Variants in ITFG2 observed in about 807,000 individuals in gnomAD.
ITFG2 encodes the protein integrin alpha FG-GAP repeat containing 2.
In ITFG2, 36 loss-of-function variants were observed where a neutral mutation model predicts 54.4. The observed-to-expected ratio is 0.66, with a 90% CI of 0.51 to 0.87. The LOEUF (loss-of-function observed/expected upper bound fraction) is 0.87, where lower values mean the gene tolerates loss of function less well. ITFG2 is among the 40% of genes least tolerant of loss of function. The probability of loss-of-function intolerance (pLI) is 0.00; values close to 1 mark genes in which losing one functional copy is unlikely to be tolerated. For missense variants in ITFG2, 524 were observed against 576.7 expected, an observed-to-expected ratio of 0.91 and a Z score of 0.94; for synonymous variants, 211 against 225.4, an observed-to-expected ratio of 0.94 and a Z score of 0.57.
downstream of ITFG2, chr12:2,827,083 A>G (rs2153925572): frequency 6.5e-7 from 1 of 1,528,246 alleles, no homozygotes; most frequent in Non-Finnish European, 8.7e-7. This position sits in a 1 kb window ranked among gnomAD's most constrained non-coding sequence, Gnocchi z 4.0. Context: ...AGCAGGGGTC[A>G]GGGAGGTGAT....
chr12:2,828,372 G>A, downstream of ITFG2: 1 of 1,614,098 alleles, frequency 6.2e-7, no homozygotes, highest in East Asian at 2.2e-5. Context: ...CGATTGTATT[G>A]GGTGCCTGTG....
upstream of ITFG2, among the ~76,000 whole-genome samples, chr12:2,833,786 T>TAAATATATTAGCTCTAACA (rs1206949035): frequency 6.6e-6 from 1 of 152,206 alleles, no homozygotes; most frequent in Non-Finnish European, 1.5e-5. Context: ...CTAAGTGCTT[T>TAAATATATTAGCTCTAACA]AAATATATTA....
upstream of ITFG2, chr12:2,835,156 CGTAT>C: frequency 7.7e-7 from 1 of 1,299,406 alleles, no homozygotes; most frequent in Non-Finnish European, 9.6e-7. Context: ...GTGGATGGGG[CGTAT>C]GTGTGTGTGT....
At chr12:2,844,978 A>G (rs948699482) in intron 2 of ITFG2, among the ~76,000 whole-genome samples, 2 of 152,188 alleles carry the variant, frequency 1.3e-5, no homozygotes, top group African/African-American at 4.8e-5. Context: ...CTGCCCTGGG[A>G]CTGGCAGGGA....
intron 2 of ITFG2, among the ~76,000 whole-genome samples, chr12:2,847,873 G>C (rs1314327161): frequency 6.6e-6 from 1 of 152,168 alleles, no homozygotes; most frequent in African/African-American, 2.4e-5. Context: ...CCACACTGTA[G>C]CATCTATCAA....
downstream of ITFG2, chr12:2,830,953 C>T: frequency 2.2e-6 from 3 of 1,362,996 alleles, no homozygotes; most frequent in Non-Finnish European, 3.0e-6. Context: ...AGGATGCTCC[C>T]CCCACCCCCC....
At chr12:2,834,951 C>T (rs148606308), upstream of ITFG2, 147 of 1,591,778 alleles carry the variant, frequency 9.2e-5, no homozygotes, top group Admixed American at 1.3e-4. Flanking sequence ...AGGAGGGTCT[C>T]CACGGGAGGG....
In ITFG2 at chr12:2,820,121, A is replaced by G; in HGVS notation, c.442A>G (p.Thr148Ala). Residue 148 changes from threonine (T) to alanine (A), a missense_variant, in exon 5 of 12, where the codon ACA becomes GCA. By Grantham distance (58) the Thr-to-Ala change is moderately conservative. Coordinates refer to ENST00000228799, the MANE Select transcript of ITFG2 (RefSeq NM_018463.4). Reference sequence around the variant, plus strand: ...GTGTCGTGAGCTGGTGGTGGGCTACACAGACCGTGTGGTGCGAGCTTTCCG... The same window carrying G: ...GTGTCGTGAGCTGGTGGTGGGCTACGCAGACCGTGTGGTGCGAGCTTTCCG... ...DGCRELVVGYTDRVVRAFRWE... is the reference protein window; with the variant it reads ...DGCRELVVGYADRVVRAFRWE... The G allele has an allele frequency of 6.2e-7, 1 of 1,613,742 alleles. No individual in the cohort carries two copies. Among genetic ancestry groups the G allele is most frequent in the East Asian group, 2.2e-5 (1 of 44,858 alleles).
chr12:2,812,887 T>C (rs1421012852), intron 1 of ITFG2, 31 bp downstream of exon 1: 2 of 1,576,908 alleles, frequency 1.3e-6, no homozygotes, highest in African/African-American at 1.3e-5. Flanking sequence ...AGAGACAGCC[T>C]GGATCTGTGC....
chr12:2,818,337 T>C lies in ITFG2; in HGVS notation c.406+60T>C, dbSNP rs758777040. 4 of 1,598,940 alleles carry C rather than the reference T, an allele frequency of 2.5e-6. No individual in the cohort carries two copies. The South Asian group carries it at 4.4e-5, about 18-fold the overall frequency. The stretch of plus-strand genomic sequence containing the variant: ...GTAGGAGTCAGTGGATACTAGAGCA[T>C]ATCCCAAGGGATTGGGGTGAGAGGG... On this transcript the variant is annotated intron_variant, in intron 4 of 11. Coordinates refer to ENST00000228799, the MANE Select transcript of ITFG2 (RefSeq NM_018463.4).
At chr12:2,831,596 C>T (rs1158374374), downstream of ITFG2, among the ~76,000 whole-genome samples, 1 of 151,552 alleles carries the variant, frequency 6.6e-6, no homozygotes, top group East Asian at 1.9e-4. Flanking sequence ...AAAAAAAAAC[C>T]AAACAAAAAA....
At chr12:2,827,195 CT>C, downstream of ITFG2, 1 of 1,614,094 alleles carries the variant, frequency 6.2e-7, no homozygotes, top group Non-Finnish European at 8.5e-7. The surrounding 1 kb of genome is among the most constrained non-coding windows in gnomAD (Gnocchi z 4.0). Flanking sequence ...TGGGGACTGA[CT>C]GAGACAGCAG....
chr12:2,849,516 G>A (rs1394940012), intron 2 of ITFG2: 1 of 1,536,132 alleles, frequency 6.5e-7, no homozygotes, highest in Non-Finnish European at 8.7e-7. Context: ...CAGCGGATAT[G>A]TGCCGGTACC....
Position 2,822,915 on chromosome 12 carries a change from A to AC in ITFG2, c.1066+9dup, listed in dbSNP as rs770695012. 6.4e-5 allele frequency: 103 copies of AC among 1,610,858 alleles called. No homozygotes were observed. The highest frequency in any genetic ancestry group is 8.7e-5 in the Non-Finnish European group (102 of 1,177,420). ...AATATCCGTGCCTTCTGTGCAGGTG[A>AC]CCCCCGCCCCCATGGCCCCTTTCTA... On this transcript the variant is annotated splice_donor_region_variant and intron_variant, in intron 10 of 11. Transcript: ENST00000228799.
chr12:2,850,936 T>A (rs1303152755), intron 2 of ITFG2, among the ~76,000 whole-genome samples: 1 of 151,056 alleles, frequency 6.6e-6, no homozygotes, highest in East Asian at 2.0e-4. Flanking sequence ...CCTCCCAAAG[T>A]GCTGAGATTA....
intron 2 of ITFG2, among the ~76,000 whole-genome samples, chr12:2,842,615 C>G (rs1378209165): frequency 6.6e-6 from 1 of 152,026 alleles, no homozygotes; most frequent in African/African-American, 2.4e-5. Context: ...GCCTGTAGTT[C>G]CAGCTACTCG....
intron 2 of ITFG2, 154 bp from the exon 3 acceptor site, chr12:2,817,755 C>T (rs1462377634): frequency 1.3e-5 from 9 of 685,412 alleles, no homozygotes; most frequent in Middle Eastern, 4.1e-4. Context: ...AGCACAGTAA[C>T]GCCGTTAATA....
chr12:2,847,272 G>C (rs1457548207), intron 2 of ITFG2, among the ~76,000 whole-genome samples: 3 of 152,138 alleles, frequency 2.0e-5, no homozygotes, highest in South Asian at 2.1e-4. Context: ...AGTGGCATGA[G>C]GTGGTCCCTT....
intron 2 of ITFG2, among the ~76,000 whole-genome samples, chr12:2,852,705 G>T (rs2098074946): frequency 6.6e-6 from 1 of 151,674 alleles, no homozygotes; most frequent in Admixed American, 6.6e-5. Context: ...TAGCCCACCT[G>T]TAAAATGGGG....
Sources: allele counts gnomAD v4.1 joint callset (sites outside exome capture counted in the v4.1 genomes callset), GRCh38; gene constraint gnomAD v4.1.1; non-coding constraint Gnocchi (gnomAD v3.1); transcripts MANE v1.5; gene names NCBI Gene and HGNC (gene_info 2026-07-23, HGNC 2026-07-21).